Variants in MAML3 observed in about 807,000 individuals in gnomAD.
MAML3 encodes mastermind-like protein 3.
Under a neutral mutation model 101.9 loss-of-function variants are expected in MAML3, and 27 were observed. The ratio of observed to expected loss-of-function variants is 0.27; its 90% CI spans 0.20 to 0.37. The LOEUF (loss-of-function observed/expected upper bound fraction) is 0.37. MAML3 is among the 10% of genes least tolerant of loss of function. The pLI is 1.00. For missense variants in MAML3, 1,316 were observed against 1,444.9 expected, an observed-to-expected ratio of 0.91 and a Z score of 1.45; for synonymous variants, 501 against 555.9, an observed-to-expected ratio of 0.90 and a Z score of 1.39.
At chr4:139,986,529 A>G (rs1734542740) in intron 1 of MAML3, among the ~76,000 whole-genome samples, 2 of 152,178 alleles carry the variant, frequency 1.3e-5, no homozygotes, top group African/African-American at 4.8e-5. Context: ...TCAGCATTAC[A>G]AACAACTCTC....
intron 2 of MAML3, among the ~76,000 whole-genome samples, chr4:139,802,202 C>A (rs1730622305): frequency 6.6e-6 from 1 of 152,118 alleles, no homozygotes; most frequent in Admixed American, 6.5e-5. Flanking sequence ...CTGAAGATAT[C>A]CTATAACTGG....
At chr4:139,866,477 C>A (rs369206652) in intron 2 of MAML3, among the ~76,000 whole-genome samples, 5 of 152,296 alleles carry the variant, frequency 3.3e-5, no homozygotes, top group African/African-American at 4.8e-5. Context: ...CAGTCACCGA[C>A]AGAAGGCAGT....
intron 1 of MAML3, among the ~76,000 whole-genome samples, chr4:140,026,601 C>T (rs1726829063): frequency 6.6e-6 from 1 of 152,108 alleles, no homozygotes. Context: ...CAGAAAGAAA[C>T]ATTGAACAAA....
At chr4:140,025,616 G>C (rs1387945175) in intron 1 of MAML3, among the ~76,000 whole-genome samples, 1 of 152,148 alleles carries the variant, frequency 6.6e-6, no homozygotes, top group Admixed American at 6.5e-5. Context: ...GAAATAAAGG[G>C]AAGAGCATAG....
At chr4:140,063,120 A>T (rs1005123998) in intron 1 of MAML3, among the ~76,000 whole-genome samples, 5 of 152,208 alleles carry the variant, frequency 3.3e-5, no homozygotes, top group African/African-American at 1.2e-4. Context: ...GCTATTGAGT[A>T]ATCTGCTTAA....
intron 1 of MAML3, among the ~76,000 whole-genome samples, chr4:139,900,630 A>G (rs4078502): frequency 0.044 from 6,753 of 152,312 alleles, 212 homozygotes; most frequent in African/African-American, 0.084. Context: ...CACAAACTCT[A>G]TACGTGCAGT....
In MAML3 at chr4:139,746,889, G is replaced by A. The variant is rs562235945; in HGVS notation, c.2080-16222C>T. On this transcript the variant is annotated intron_variant, in intron 2 of 4. Transcript: ENST00000509479. ...GGTAATAAAAAGCCTAGGGAGAATC[G>A]GGTGGGAGGGGGTTGCTGGCGTCTG... Among the ~76,000 whole-genome samples the A allele has an allele frequency of 3.3e-5, 5 of 152,252 alleles. No individual in the cohort carries two copies. The South Asian group carries it at 8.3e-4, about 25-fold the overall frequency.
intron 2 of MAML3, among the ~76,000 whole-genome samples, chr4:139,826,861 A>G (rs1289107701): frequency 7.2e-5 from 11 of 152,210 alleles, no homozygotes. Flanking sequence ...TTGGAAAAAG[A>G]ATGGAAAATA....
At chr4:139,934,608 C>T (rs1313536895) in intron 1 of MAML3, among the ~76,000 whole-genome samples, 1 of 152,134 alleles carries the variant, frequency 6.6e-6, no homozygotes, top group Non-Finnish European at 1.5e-5. Flanking sequence ...TTTCTACCCC[C>T]ATCGAAAGGC....
At chr4:139,883,269 T>C (rs1180405442) in intron 2 of MAML3, among the ~76,000 whole-genome samples, 3 of 152,210 alleles carry the variant, frequency 2.0e-5, no homozygotes, top group Non-Finnish European at 4.4e-5. Context: ...TCTGATGTGC[T>C]TGATCATATT....
At chr4:140,141,786 T>A (rs1728983854) in intron 1 of MAML3, among the ~76,000 whole-genome samples, 1 of 152,238 alleles carries the variant, frequency 6.6e-6, no homozygotes, top group Admixed American at 6.5e-5. Context: ...GATACTTTTT[T>A]AAGCCATATT....
intron 1 of MAML3, among the ~76,000 whole-genome samples, chr4:140,042,082 A>G (rs1207939587): frequency 6.6e-6 from 1 of 152,242 alleles, no homozygotes; most frequent in Admixed American, 6.5e-5. Flanking sequence ...AATAAGAAAT[A>G]AGTAATGTAC....
intron 1 of MAML3, among the ~76,000 whole-genome samples, chr4:139,904,598 C>G (rs1732785860): frequency 6.6e-6 from 1 of 152,190 alleles, no homozygotes; most frequent in African/African-American, 2.4e-5. Flanking sequence ...TGACACACAA[C>G]CCGAGAACTT....
chr4:139,936,563 T>C (rs1165963462), intron 1 of MAML3, among the ~76,000 whole-genome samples: 1 of 152,200 alleles, frequency 6.6e-6, no homozygotes, highest in East Asian at 1.9e-4. Flanking sequence ...TTTTTGTGTG[T>C]GCACACACTT....
At chr4:140,002,260 TAGG>T (rs1409503608) in intron 1 of MAML3, among the ~76,000 whole-genome samples, 1 of 152,236 alleles carries the variant, frequency 6.6e-6, no homozygotes, top group African/African-American at 2.4e-5. Context: ...TCTCTGCTTC[TAGG>T]AGTTCAACTT....
chr4:139,808,984 C>T lies in MAML3; in HGVS notation c.2080-78317G>A, dbSNP rs537879592. 1.4e-3 allele frequency among the ~76,000 whole-genome samples: 217 copies of T among 152,200 alleles called. 1 individual carries two copies. Among genetic ancestry groups the T allele is most frequent in the Non-Finnish European group, 1.9e-3 (127 of 68,006 alleles). ...TATGAGAGAGAGAAAGAAAGAATGT[C>T]GGTGTGTGACTCCCCCACTCACTCT... On this transcript the variant is annotated intron_variant, in intron 2 of 4. Transcript: ENST00000509479.
At chr4:139,987,192 T>C (rs181945227) in intron 1 of MAML3, among the ~76,000 whole-genome samples, 1 of 152,290 alleles carries the variant, frequency 6.6e-6, no homozygotes, top group Admixed American at 6.5e-5. Flanking sequence ...AGGTTTATTT[T>C]AAAACAAGCA....
intron 1 of MAML3, among the ~76,000 whole-genome samples, chr4:140,147,529 AC>A (rs908433562): frequency 4.9e-4 from 74 of 152,344 alleles, no homozygotes; most frequent in African/African-American, 1.7e-3. Context: ...GGAAGGAAAA[AC>A]AAAGCAAGCA....
intron 1 of MAML3, among the ~76,000 whole-genome samples, chr4:140,102,325 T>G (rs1728266202): frequency 6.6e-6 from 1 of 152,228 alleles, no homozygotes; most frequent in African/African-American, 2.4e-5. Flanking sequence ...TAGCAATTGC[T>G]ATTGCTGCCG....
Sources: gnomAD v4.1 joint callset for allele counts (sites outside exome capture counted in the v4.1 genomes callset) on GRCh38, gnomAD v4.1.1 for gene constraint, MANE v1.5 for transcripts, NCBI Gene and HGNC (gene_info 2026-07-23, HGNC 2026-07-21) for gene names.